Variants in APP observed in about 807,000 individuals in gnomAD.
The protein encoded by APP is amyloid-beta precursor protein.
Under a neutral mutation model 101.4 loss-of-function variants are expected in APP, and 31 were observed. The observed-to-expected ratio is 0.31, with a 90% CI of 0.23 to 0.41. APP has a LOEUF of 0.41. Among genes scored for constraint, APP ranks in the 10% least tolerant of loss-of-function variants. APP has a pLI of 1.00. For missense variants in APP, 839 were observed against 1,003.7 expected (o/e 0.84, Z 2.22); for synonymous variants, 366 against 364.4 (o/e 1.00, Z -0.05).
chr21:26,023,485 A>G (rs2044438001), intron 5 of APP, among the ~76,000 whole-genome samples: 1 of 150,596 alleles, frequency 6.6e-6, no homozygotes, highest in African/African-American at 2.5e-5. Context: ...GGCTGCTGTG[A>G]GCTATGACTG....
intron 14 of APP, among the ~76,000 whole-genome samples, chr21:25,908,010 A>G (rs2146306233): frequency 6.6e-6 from 1 of 152,356 alleles, no homozygotes; most frequent in Non-Finnish European, 1.5e-5. Flanking sequence ...TATTATATCT[A>G]GGTATTATCT....
chr21:25,905,191 A>G, intron 14 of APP, 114 bp from the exon 15 acceptor site: 1 of 879,444 alleles, frequency 1.1e-6, no homozygotes, highest in Non-Finnish European at 1.9e-6. Flanking sequence ...AACAAGTTAC[A>G]AAAAAGGAGC....
chr21:26,115,800 T>C (rs2062422255), intron 1 of APP, among the ~76,000 whole-genome samples: 1 of 152,150 alleles, frequency 6.6e-6, no homozygotes, highest in South Asian at 2.1e-4. Context: ...TACAAAGTCA[T>C]CCTAAAGATA....
intron 3 of APP, among the ~76,000 whole-genome samples, chr21:26,070,836 C>T (rs1022789181): frequency 6.6e-6 from 1 of 152,092 alleles, no homozygotes; most frequent in African/African-American, 2.4e-5. Context: ...AAAACTATTA[C>T]CAAAGTGACA....
chr21:25,981,137 G>C (rs994822186), intron 9 of APP, among the ~76,000 whole-genome samples: 2 of 152,120 alleles, frequency 1.3e-5, no homozygotes, highest in Non-Finnish European at 2.9e-5. Context: ...ATGCTCAGGG[G>C]CCATTCATTT....
chr21:26,135,838 G>T (rs769471825), intron 1 of APP, among the ~76,000 whole-genome samples: 6 of 152,030 alleles, frequency 3.9e-5, no homozygotes, highest in Non-Finnish European at 8.8e-5. Flanking sequence ...TTGTGTTTTA[G>T]AAATAGTTTT....
chr21:25,930,332 T>C lies in APP; in HGVS notation c.1688-18370A>G, dbSNP rs534495514. Among the ~76,000 whole-genome samples, 735 of 152,298 alleles carry C rather than the reference T, an allele frequency of 4.8e-3. 2 individuals are homozygous for C. Among genetic ancestry groups the C allele is most frequent in the Non-Finnish European group, 8.9e-3 (605 of 68,028 alleles). Reference sequence around the variant, plus strand: ...AGCAAATGAATGAATTGGGAAACAGTGCCCCTCCCGGCAGCCAGCAAAAAC... The same window carrying C: ...AGCAAATGAATGAATTGGGAAACAGCGCCCCTCCCGGCAGCCAGCAAAAAC... On this transcript the variant is annotated intron_variant, in intron 13 of 17. Transcript: ENST00000346798.
intron 8 of APP, among the ~76,000 whole-genome samples, chr21:25,984,730 T>C (rs2146610737): frequency 6.6e-6 from 1 of 152,312 alleles, no homozygotes; most frequent in Non-Finnish European, 1.5e-5. Context: ...TCATCTTAAC[T>C]GGTAGAGCTC....
At position 26,051,079 on chromosome 21, in the gene APP, T is replaced by G; in HGVS notation, c.583A>C (p.Asn195His). Residue 195 changes from asparagine to histidine, a missense_variant, in exon 5 of 18, where the codon AAT becomes CAT. Transcript: ENST00000346798. ...VCCPLAEESD[N>H]VDSADAEEDD... ...TCCTCCGCATCAGCAGAATCCACAT[T>G]GTCACTTTCTTCAGCCAGTGGGCAA... 1 of 1,614,134 alleles carries G rather than the reference T, an allele frequency of 6.2e-7. No homozygotes were observed. The highest frequency in any genetic ancestry group is 1.3e-5 in the African/African-American group (1 of 75,032).
intron 3 of APP, among the ~76,000 whole-genome samples, chr21:26,080,091 T>G (rs577743395): frequency 2.2e-4 from 34 of 152,298 alleles, no homozygotes; most frequent in African/African-American, 7.9e-4. Context: ...ACCATTGCAC[T>G]TCAGCCTAGG....
chr21:26,048,564 A>G (rs1286790376), intron 5 of APP, among the ~76,000 whole-genome samples: 1 of 151,704 alleles, frequency 6.6e-6, no homozygotes, highest in Non-Finnish European at 1.5e-5. Flanking sequence ...AAAAGCTATG[A>G]AAAAAAATTT....
At chr21:26,161,683 G>A (rs144491598) in intron 1 of APP, among the ~76,000 whole-genome samples, 259 of 152,126 alleles carry the variant, frequency 1.7e-3, no homozygotes, top group African/African-American at 5.8e-3. Context: ...ACATTTCTAT[G>A]GGAGTTTCTT....
chr21:25,938,753 C>T (rs1021495186), intron 13 of APP, among the ~76,000 whole-genome samples: 1 of 152,162 alleles, frequency 6.6e-6, no homozygotes, highest in African/African-American at 2.4e-5. Context: ...AAGACACCGA[C>T]AAATACCAGA....
chr21:26,137,143 T>C (rs1331512880), intron 1 of APP, among the ~76,000 whole-genome samples: 1 of 152,200 alleles, frequency 6.6e-6, no homozygotes, highest in Non-Finnish European at 1.5e-5. Flanking sequence ...CATTTGGCCA[T>C]GTTGCCCAGG....
At chr21:26,120,473 TGTATTATGTAAG>T (rs759210731) in intron 1 of APP, among the ~76,000 whole-genome samples, 2 of 152,300 alleles carry the variant, frequency 1.3e-5, no homozygotes, top group African/African-American at 4.8e-5. Flanking sequence ...TTATATTTAA[TGTATTATGTAAG>T]GTAGGATCAG....
intron 3 of APP, among the ~76,000 whole-genome samples, chr21:26,072,187 C>A (rs1298406206): frequency 6.6e-6 from 1 of 152,150 alleles, no homozygotes; most frequent in East Asian, 1.9e-4. Flanking sequence ...TTCTCACGTG[C>A]AAAAGAACAT....
chr21:25,962,389 C>T (rs56063621), intron 11 of APP, among the ~76,000 whole-genome samples: 24 of 152,318 alleles, frequency 1.6e-4, no homozygotes, highest in Non-Finnish European at 3.4e-4. Context: ...TACCTCTAGG[C>T]ACAGTTCCTG....
At chr21:26,133,036 A>C (rs941058491) in intron 1 of APP, among the ~76,000 whole-genome samples, 2 of 152,082 alleles carry the variant, frequency 1.3e-5, no homozygotes, top group Non-Finnish European at 2.9e-5. Context: ...CAGGAGTTGG[A>C]GACCAGCCTG....
At chr21:26,031,717 A>G (rs971950170) in intron 5 of APP, among the ~76,000 whole-genome samples, 2 of 141,114 alleles carry the variant, frequency 1.4e-5, no homozygotes, top group African/African-American at 5.3e-5. Flanking sequence ...GGGTCCCTCC[A>G]CAACATGTGG....
Sources: allele counts gnomAD v4.1 joint callset (sites outside exome capture counted in the v4.1 genomes callset), GRCh38; gene constraint gnomAD v4.1.1; transcripts MANE v1.5; gene names NCBI Gene and HGNC (gene_info 2026-07-23, HGNC 2026-07-21).